SLC25A26: variants seen among roughly 807,000 people sequenced by gnomAD.
SLC25A26 encodes solute carrier family 25 member 26, also known as mitochondrial S-adenosylmethionine carrier protein.
In SLC25A26, 36 loss-of-function variants were observed where a neutral mutation model predicts 37.8. The observed-to-expected ratio is 0.95, with a 90% CI of 0.73 to 1.26. The LOEUF (loss-of-function observed/expected upper bound fraction) is 1.26, where lower values mean the gene tolerates loss of function less well. Ranked by LOEUF, SLC25A26 falls within the 50% of genes most tolerant of loss-of-function variation. The pLI, the probability that SLC25A26 is intolerant of heterozygous loss-of-function variation, is 0.00. For synonymous variants in SLC25A26, 129 were observed against 122.5 expected (o/e 1.05, Z -0.35); for missense variants, 390 against 331.1 (o/e 1.18, Z -1.38).
intron 9 of SLC25A26, among the ~76,000 whole-genome samples, chr3:66,372,525 C>T (rs929285778): frequency 1.3e-5 from 2 of 152,170 alleles, no homozygotes; most frequent in African/African-American, 4.8e-5. Flanking sequence ...GGTCAAGGGC[C>T]TGTCCCTGTC....
At chr3:66,282,885 G>C (rs1356402513) in intron 5 of SLC25A26, among the ~76,000 whole-genome samples, 10 of 152,100 alleles carry the variant, frequency 6.6e-5, no homozygotes, top group Admixed American at 2.0e-4. Context: ...TTAGCGATCT[G>C]TTCTCCATCA....
chr3:66,175,812 G>A lies in SLC25A26; in HGVS notation c.-354+41828G>A, dbSNP rs533263092. The stretch of plus-strand genomic sequence containing the variant: ...TCAGGCCTTCAACTGATTGCATGAG[G>A]CCCACACACATTAGGGCGGACTATC... On this transcript the variant is annotated intron_variant, in intron 1 of 10. Transcript: ENST00000676754. 2.0e-5 allele frequency among the ~76,000 whole-genome samples: 3 copies of A among 152,280 alleles called. No homozygotes were observed. In the South Asian group the frequency reaches 6.2e-4, roughly 32 times the overall value.
intron 1 of SLC25A26, among the ~76,000 whole-genome samples, chr3:66,222,220 G>A (rs1033288082): frequency 1.4e-5 from 2 of 144,172 alleles, no homozygotes; most frequent in South Asian, 2.2e-4. Context: ...CTCACTCTTC[G>A]CCCAGGCTGG....
chr3:66,282,576 A>G (rs2074382867), intron 5 of SLC25A26, among the ~76,000 whole-genome samples: 1 of 152,188 alleles, frequency 6.6e-6, no homozygotes, highest in African/African-American at 2.4e-5. Flanking sequence ...GGGGAGTGGT[A>G]TTTAGAAACT....
chr3:66,258,070 C>T (rs142813758), intron 3 of SLC25A26, among the ~76,000 whole-genome samples: 1 of 152,242 alleles, frequency 6.6e-6, no homozygotes, highest in African/African-American at 2.4e-5. Context: ...TGTTGCCTTC[C>T]ACTTCTCCTT....
At chr3:66,239,848 G>C (rs900200774) in intron 2 of SLC25A26, among the ~76,000 whole-genome samples, 11 of 139,654 alleles carry the variant, frequency 7.9e-5, no homozygotes, top group Non-Finnish European at 1.4e-4. Context: ...TTTAACAGTG[G>C]ATTAAGCTGG....
chr3:66,336,777 A>G (rs759379770), intron 5 of SLC25A26, among the ~76,000 whole-genome samples: 11 of 152,202 alleles, frequency 7.2e-5, no homozygotes, highest in Non-Finnish European at 1.5e-4. Context: ...GGTGTGATAC[A>G]GAGTTCATTC....
intron 1 of SLC25A26, among the ~76,000 whole-genome samples, chr3:66,150,603 GATATATATATATATATATATATATAT>G (rs1169750069): frequency 0.064 from 1,684 of 26,140 alleles, 107 homozygotes; most frequent in East Asian, 0.23. Context: ...TATGTAATGA[GATATATATATATATATATATATATAT>G]ATATATATAT....
At chr3:66,315,026 G>C (rs558602998) in intron 5 of SLC25A26, among the ~76,000 whole-genome samples, 1 of 147,248 alleles carries the variant, frequency 6.8e-6, no homozygotes, top group African/African-American at 2.5e-5. Flanking sequence ...TATTAGTCTA[G>C]TTAGTAGTCT....
At chr3:66,326,748 T>C (rs867526419) in intron 5 of SLC25A26, among the ~76,000 whole-genome samples, 1 of 152,124 alleles carries the variant, frequency 6.6e-6, no homozygotes, top group Non-Finnish European at 1.5e-5. Context: ...GAGCCCCAAA[T>C]GTGTTCATAG....
chr3:66,243,673 A>T (rs537989914), intron 3 of SLC25A26, among the ~76,000 whole-genome samples: 7 of 152,328 alleles, frequency 4.6e-5, no homozygotes, highest in African/African-American at 1.7e-4. Flanking sequence ...TCCTTTCCGA[A>T]ATAGTTTCAG....
chr3:66,298,842 A>G (rs2074986348), intron 5 of SLC25A26, among the ~76,000 whole-genome samples: 1 of 152,220 alleles, frequency 6.6e-6, no homozygotes, highest in Admixed American at 6.5e-5. Context: ...TCTTTGAGAT[A>G]TCTCACACCT....
At chr3:66,139,815 TTGCAGGCAGTAA>T (rs1017224609) in intron 1 of SLC25A26, among the ~76,000 whole-genome samples, 2 of 152,192 alleles carry the variant, frequency 1.3e-5, no homozygotes, top group African/African-American at 4.8e-5. Flanking sequence ...AGGCAAATTA[TTGCAGGCAGTAA>T]TGCAGACTAG....
rs148335707 is a variant in SLC25A26, at chr3:66,313,885, G to T, written c.454-32479G>T. On this transcript the variant is annotated intron_variant, in intron 5 of 9. Transcript: ENST00000354883. ...TTATTTTTTTCTCTTTGTAGCAATT[G>T]TGAATGGGAGTTCATTCATGATTTG... Among the ~76,000 whole-genome samples the T allele has an allele frequency of 5.0e-3, 763 of 152,180 alleles. 11 individuals are homozygous for T. Among genetic ancestry groups the T allele is most frequent in the African/African-American group, 0.014 (564 of 41,534 alleles).
chr3:66,230,754 G>A (rs1052728234), intron 1 of SLC25A26, among the ~76,000 whole-genome samples: 8 of 137,742 alleles, frequency 5.8e-5, no homozygotes, highest in African/African-American at 1.9e-4. Flanking sequence ...GCAGTGAGCC[G>A]AGATCGTGCC....
At chr3:66,306,143 C>G (rs1338192993) in intron 5 of SLC25A26, among the ~76,000 whole-genome samples, 1 of 152,162 alleles carries the variant, frequency 6.6e-6, no homozygotes, top group East Asian at 1.9e-4. Flanking sequence ...CACCACCATG[C>G]CCAGCTAATT....
intron 1 of SLC25A26, among the ~76,000 whole-genome samples, chr3:66,165,605 A>G (rs1313176808): frequency 1.3e-5 from 2 of 152,218 alleles, no homozygotes; most frequent in Non-Finnish European, 2.9e-5. Context: ...TGAACGTGAA[A>G]CAAACTAACT....
chr3:66,175,663 C>A (rs1379726947), intron 1 of SLC25A26, among the ~76,000 whole-genome samples: 1 of 152,146 alleles, frequency 6.6e-6, no homozygotes, highest in African/African-American at 2.4e-5. Flanking sequence ...AGGCTTGAGA[C>A]CTAGGAAACA....
At chr3:66,274,947 C>G (rs886571350) in intron 5 of SLC25A26, among the ~76,000 whole-genome samples, 1 of 152,046 alleles carries the variant, frequency 6.6e-6, no homozygotes, top group Non-Finnish European at 1.5e-5. Flanking sequence ...AAGACACATG[C>G]AAACGTATGT....
Sources: gnomAD v4.1 joint callset for allele counts (sites outside exome capture counted in the v4.1 genomes callset) on GRCh38, gnomAD v4.1.1 for gene constraint, MANE v1.5 for transcripts, NCBI Gene and HGNC (gene_info 2026-07-23, HGNC 2026-07-21) for gene names.